The following MDN1 variants were observed in gnomAD, a reference collection of about 807,000 sequenced individuals.
The protein encoded by MDN1 is midasin AAA ATPase 1.
MDN1 carries 266 observed loss-of-function variants against 669.2 expected under a neutral mutation model. The observed-to-expected ratio is 0.40, with a 90% CI of 0.36 to 0.44. The LOEUF is 0.44. MDN1 is among the 20% of genes least tolerant of loss of function. The pLI, the probability that MDN1 is intolerant of heterozygous loss-of-function variation, is 1.00. For missense variants in MDN1, 5,940 were observed against 6,754.0 expected, an observed-to-expected ratio of 0.88 and a Z score of 4.22; for synonymous variants, 2,385 against 2,457.1, an observed-to-expected ratio of 0.97 and a Z score of 0.87.
intron 10 of MDN1, among the ~76,000 whole-genome samples, chr6:89,780,641 C>CTTT (rs575664748): frequency 9.9e-5 from 13 of 131,210 alleles, no homozygotes; most frequent in East Asian, 4.4e-4. Context: ...ATGCCATTTC[C>CTTT]TTTTTTTTTT....
rs773779645 is a variant in MDN1, at chr6:89,718,574, T to C, written c.6375A>G (p.Val2125=). ...RRLLEKVEGT[V]RALLRDSLLI... ...GGAGGCTATCCCTTAACAGTGCCCT[T>C]ACAGTTCCCTCCACCTTCTCTAGCA... The change falls in exon 43 of 102, where the codon GTA becomes GTG. Residue 2125 remains valine (V), a synonymous_variant. Transcript: ENST00000369393. 6.2e-7 allele frequency: 1 copy of C among 1,614,144 alleles called. No homozygotes were observed. Among genetic ancestry groups the C allele is most frequent in the Non-Finnish European group, 8.5e-7 (1 of 1,180,024 alleles).
At chr6:89,709,979 C>T (rs1813776730) in intron 50 of MDN1, among the ~76,000 whole-genome samples, 1 of 152,296 alleles carries the variant, frequency 6.6e-6, no homozygotes, top group Non-Finnish European at 1.5e-5. Flanking sequence ...CAGCTCACTG[C>T]AGCCTCAAAC....
chr6:89,801,902 C>T (rs1422152257), intron 2 of MDN1, among the ~76,000 whole-genome samples: 1 of 151,294 alleles, frequency 6.6e-6, no homozygotes. Flanking sequence ...AAAGAGGTTG[C>T]AGTAAGGTGA....
intron 60 of MDN1, 99 bp downstream of exon 60, chr6:89,696,261 G>T: frequency 1.5e-6 from 2 of 1,297,276 alleles, no homozygotes; most frequent in Non-Finnish European, 2.2e-6. Flanking sequence ...TCAAACACCA[G>T]AACTAGCCAC....
chr6:89,678,248 G>C (rs1281856422), intron 75 of MDN1, among the ~76,000 whole-genome samples: 2 of 152,102 alleles, frequency 1.3e-5, no homozygotes, highest in African/African-American at 2.4e-5. Flanking sequence ...CTCCAGCCTG[G>C]GCAACAAGAG....
At chr6:89,709,045 T>C (rs1000911968) in intron 50 of MDN1, among the ~76,000 whole-genome samples, 4 of 151,788 alleles carry the variant, frequency 2.6e-5, no homozygotes, top group Admixed American at 6.6e-5. Flanking sequence ...CTGTTTTCAT[T>C]AAGAAAACAA....
Position 89,664,587 on chromosome 6 carries a change from CTCTT to C in MDN1, c.14132_14135del (p.Lys4711ArgfsTer63), listed in dbSNP as rs778775024. On this transcript the variant is annotated frameshift_variant, in exon 85 of 102. Transcript: ENST00000369393. LOFTEE classifies it high-confidence loss of function. The stretch of plus-strand genomic sequence containing the variant: ...TAATATCAGATTTTGAATCAGGATC[CTCTT>C]TGTCTTTTTCTTGACCCTTCTGAAA... 1.9e-6 allele frequency: 3 copies of C among 1,613,288 alleles called. No homozygotes were observed. The highest frequency in any genetic ancestry group is 2.5e-6 in the Non-Finnish European group (3 of 1,179,408).
chr6:89,772,545 G>C (rs775801321), intron 14 of MDN1, 28 bp downstream of exon 14: 1 of 1,601,058 alleles, frequency 6.2e-7, no homozygotes, highest in Non-Finnish European at 8.5e-7. Context: ...AAATATCTGG[G>C]GGCAGATTTA....
intron 82 of MDN1, among the ~76,000 whole-genome samples, chr6:89,671,885 C>T (rs748095353): frequency 1.3e-5 from 2 of 152,174 alleles, no homozygotes; most frequent in Admixed American, 6.5e-5. Context: ...TGCTAAGCCT[C>T]AGTTGATAAC....
In MDN1 at chr6:89,735,370, C is replaced by CTTT. The variant is rs775653908; in HGVS notation, c.4724-2598_4724-2596dup. ...TTTAAACACATCAATATCACAGAAC[C>CTTT]TTTTTTTTTTTTTTTTTTAAAGAGA... On this transcript the variant is annotated intron_variant, in intron 33 of 101. Coordinates refer to ENST00000369393, the MANE Select transcript of MDN1 (RefSeq NM_014611.3). Among the ~76,000 whole-genome samples, 12 of 122,508 alleles carry CTTT rather than the reference C, an allele frequency of 9.8e-5. No individual in the cohort carries two copies. In the East Asian group the frequency reaches 2.1e-3, roughly 22 times the overall value. 80.4% of individuals were successfully genotyped at this position (122,508 alleles called of 152,430 possible).
chr6:89,651,096 A>G (rs1225925801), intron 95 of MDN1, among the ~76,000 whole-genome samples: 4 of 151,646 alleles, frequency 2.6e-5, no homozygotes, highest in Admixed American at 2.6e-4. Context: ...CGGGTGGATC[A>G]CTTGAGACCA....
At position 89,781,552 on chromosome 6, in the gene MDN1, T is replaced by A; in HGVS notation, c.1490A>T (p.Asp497Val). 6.2e-7 allele frequency: 1 copy of A among 1,613,146 alleles called. No individual in the cohort carries two copies. The highest frequency in any genetic ancestry group is 1.1e-5 in the South Asian group (1 of 90,980). Reference sequence around the variant, plus strand: ...TTGGATATAAATGTCAAGCAGGTGATCAACCACTGCCAATAGGCTAGGATA... The same window carrying A: ...TTGGATATAAATGTCAAGCAGGTGAACAACCACTGCCAATAGGCTAGGATA... ...SRYPSLLAVV[D>V]HLLDIYIQLT... The change falls in exon 10 of 102, where the codon GAT (aspartate) becomes GTT (valine). Residue 497 changes from aspartate to valine, a missense_variant. Around this residue, in one of 5 missense-constraint regions of MDN1, gnomAD observed 1,203 missense variants for 1,268.9 expected, o/e 0.95. Coordinates refer to ENST00000369393, the MANE Select transcript of MDN1 (RefSeq NM_014611.3).
At chr6:89,818,768 C>A (rs1369655379) in intron 1 of MDN1, among the ~76,000 whole-genome samples, 1 of 151,194 alleles carries the variant, frequency 6.6e-6, no homozygotes, top group African/African-American at 2.4e-5. Context: ...GAGATCGCGC[C>A]ACTGCACTCC....
intron 3 of MDN1, 34 bp from the exon 4 acceptor site, chr6:89,794,241 T>A (rs769530778): frequency 1.7e-6 from 2 of 1,209,376 alleles, no homozygotes; most frequent in South Asian, 1.3e-5. Context: ...ATTCAGTTTA[T>A]CTGCAGTTGA....
chr6:89,684,012 A>T, intron 71 of MDN1, 108 bp from the exon 72 acceptor site: 1 of 815,102 alleles, frequency 1.2e-6, no homozygotes, highest in Non-Finnish European at 2.0e-6. Flanking sequence ...TCCCAAACAC[A>T]GGACTGTGTG....
intron 37 of MDN1, among the ~76,000 whole-genome samples, chr6:89,726,388 T>C (rs1479207965): frequency 6.8e-6 from 1 of 146,558 alleles, no homozygotes; most frequent in African/African-American, 2.5e-5. Context: ...CAGTTGAACC[T>C]GGGAGGAGGA....
intron 59 of MDN1, among the ~76,000 whole-genome samples, chr6:89,697,517 G>A (rs1254468157): frequency 6.6e-6 from 1 of 151,536 alleles, no homozygotes; most frequent in African/African-American, 2.4e-5. Context: ...AACTCATATT[G>A]GGCAAAGGCT....
At chr6:89,710,153 C>T (rs1232743961) in intron 50 of MDN1, among the ~76,000 whole-genome samples, 2 of 152,272 alleles carry the variant, frequency 1.3e-5, no homozygotes, top group Middle Eastern at 3.4e-3. Context: ...TTCCTACTAA[C>T]GATACTGGTA....
At chr6:89,806,236 C>G (rs975798993) in intron 1 of MDN1, among the ~76,000 whole-genome samples, 12 of 152,046 alleles carry the variant, frequency 7.9e-5, no homozygotes, top group African/African-American at 2.9e-4. Context: ...CTGTGCCCGG[C>G]CCCATTTTTT....
Sources: gnomAD v4.1 joint callset for allele counts (sites outside exome capture counted in the v4.1 genomes callset) on GRCh38, gnomAD v4.1.1 for gene constraint, gnomAD v4.1.1 regional missense constraint, MANE v1.5 for transcripts, NCBI Gene and HGNC (gene_info 2026-07-23, HGNC 2026-07-21) for gene names.